CMTM7: variants seen among roughly 807,000 people sequenced by gnomAD.
CMTM7 encodes CKLF like MARVEL transmembrane domain containing 7.
A neutral mutation model predicts 19.3 loss-of-function variants in CMTM7; 7 were observed. The ratio of observed to expected loss-of-function variants is 0.36; its 90% CI spans 0.21 to 0.68. The LOEUF is 0.68. CMTM7 is among the 30% of genes least tolerant of loss of function. The pLI is 0.60. For missense variants in CMTM7, 193 were observed against 232.6 expected, an observed-to-expected ratio of 0.83 and a Z score of 1.11; for synonymous variants, 87 against 99.3, an observed-to-expected ratio of 0.88 and a Z score of 0.74.
At chr3:32,402,449 C>G (rs374936178) in intron 1 of CMTM7, among the ~76,000 whole-genome samples, 2 of 152,104 alleles carry the variant, frequency 1.3e-5, no homozygotes, top group African/African-American at 4.8e-5. Context: ...GATTGATAAC[C>G]AGAGAGGCGG....
intron 1 of CMTM7, among the ~76,000 whole-genome samples, chr3:32,412,977 T>C (rs1696201457): frequency 6.6e-6 from 1 of 152,252 alleles, no homozygotes; most frequent in South Asian, 2.1e-4. Context: ...GCTTTTGAGC[T>C]TTTAGCTACT....
chr3:32,446,346 A>G (rs1696752640), intron 2 of CMTM7, among the ~76,000 whole-genome samples: 1 of 152,070 alleles, frequency 6.6e-6, no homozygotes, highest in Non-Finnish European at 1.5e-5. Flanking sequence ...TGCAGTAGTA[A>G]TGTTTCCTCT....
intron 1 of CMTM7, among the ~76,000 whole-genome samples, chr3:32,428,769 C>T (rs1317086851): frequency 6.6e-6 from 1 of 152,180 alleles, no homozygotes; most frequent in African/African-American, 2.4e-5. Context: ...CAATCCTGAT[C>T]GTCATTGCTC....
intron 1 of CMTM7, among the ~76,000 whole-genome samples, chr3:32,412,703 A>C (rs1696196575): frequency 6.6e-6 from 1 of 152,166 alleles, no homozygotes; most frequent in Non-Finnish European, 1.5e-5. Context: ...TGAAACAACT[A>C]AATTCACCCA....
At position 32,404,142 on chromosome 3, in the gene CMTM7, C is replaced by CTTTTTTTTCTTTT. The variant is rs1559401304; in HGVS notation, c.159+12085_159+12086insCTTTTTTTTTTTT. ...CCTTTGTTTAATCTTTTCTTTCTTT[C>CTTTTTTTTCTTTT]TTTTTTTTTCTTTTTTTTTCTTTTT... On this transcript the variant is annotated intron_variant, in intron 1 of 4. Transcript: ENST00000334983. 3.8e-4 allele frequency among the ~76,000 whole-genome samples: 41 copies of CTTTTTTTTCTTTT among 109,226 alleles called. 2 individuals carry two copies. The highest frequency in any genetic ancestry group is 5.5e-4 in the African/African-American group (13 of 23,552). The allele number at this position is 109,226 out of a possible 152,430, so 71.7% of individuals were successfully genotyped here.
At position 32,411,185 on chromosome 3, in the gene CMTM7, T is replaced by C. The variant is rs771490902; in HGVS notation, c.159+19120T>C. 2.9e-4 allele frequency among the ~76,000 whole-genome samples: 44 copies of C among 152,206 alleles called. 1 individual carries two copies. The highest frequency in any genetic ancestry group is 1.3e-4 in the Admixed American group (2 of 15,286). ...GACCCTAAACAAGGATGGTATTTCA[T>C]CACCTCGAAGGCACCATTGTTTTAG... On this transcript the variant is annotated intron_variant, in intron 1 of 4. Transcript: ENST00000334983.
At chr3:32,436,831 C>T (rs1176473696) in intron 1 of CMTM7, among the ~76,000 whole-genome samples, 3 of 152,062 alleles carry the variant, frequency 2.0e-5, no homozygotes, top group African/African-American at 7.2e-5. Context: ...GAGACAGGGT[C>T]CTGAGACCAC....
At chr3:32,434,456 C>T (rs1696565038) in intron 1 of CMTM7, among the ~76,000 whole-genome samples, 1 of 113,316 alleles carries the variant, frequency 8.8e-6, no homozygotes, top group South Asian at 3.2e-4. Context: ...ACCACCATGC[C>T]TGGCCAATTT....
At chr3:32,447,772 C>T (rs746865071) in intron 2 of CMTM7, among the ~76,000 whole-genome samples, 21 of 152,032 alleles carry the variant, frequency 1.4e-4, no homozygotes, top group Non-Finnish European at 2.2e-4. Context: ...TTGTTGTTTG[C>T]GTGCCATTTC....
chr3:32,399,458 A>C (rs1288944226), intron 1 of CMTM7, among the ~76,000 whole-genome samples: 1 of 152,148 alleles, frequency 6.6e-6, no homozygotes, highest in Non-Finnish European at 1.5e-5. Flanking sequence ...GGGGGAGTAC[A>C]CTAAGGTTTC....
chr3:32,453,876 T>C (rs1696870826), intron 4 of CMTM7, among the ~76,000 whole-genome samples: 1 of 152,128 alleles, frequency 6.6e-6, no homozygotes, highest in East Asian at 1.9e-4. Context: ...ACGTAGAGAA[T>C]ATAGGGGAAA....
rs1053980922 is a variant in CMTM7, at chr3:32,438,167, G to T, written c.160-3673G>T. ...TGTTTGTGCATTTGCTTTTCTAACT[G>T]GGAACACGAAGACACCTGAGAGGGT... is the stretch of plus-strand genomic sequence containing the variant. On this transcript the variant is annotated intron_variant, in intron 1 of 4. Transcript: ENST00000334983. Among the ~76,000 whole-genome samples the T allele has an allele frequency of 2.6e-5, 4 of 152,284 alleles. No individual in the cohort carries two copies. In the South Asian group the frequency reaches 6.2e-4, roughly 24 times the overall value.
At chr3:32,426,461 A>G (rs1696434739) in intron 1 of CMTM7, among the ~76,000 whole-genome samples, 1 of 152,252 alleles carries the variant, frequency 6.6e-6, no homozygotes, top group African/African-American at 2.4e-5. Flanking sequence ...TGAAGGGGAA[A>G]TAATCACCCA....
rs58085712 is a variant in CMTM7 at position 32,416,361 on chromosome 3, A to ATT, written c.159+24331_159+24332dup. On this transcript the variant is annotated intron_variant, in intron 1 of 4. Transcript: ENST00000334983. ...CAGACGTGCGCCACCATCCGGGCTA[A>ATT]TTTTTTTTTTTTTTTTTTTTTTTTT... is the stretch of plus-strand genomic sequence containing the variant. Among the ~76,000 whole-genome samples the ATT allele has an allele frequency of 7.9e-4, 57 of 72,416 alleles. 2 individuals carry two copies. Among genetic ancestry groups the ATT allele is most frequent in the African/African-American group, 1.8e-3 (31 of 17,006 alleles). The allele number at this position is 72,416 out of a possible 152,430, so 47.5% of individuals were successfully genotyped here.
chr3:32,442,265 C>A (rs1216607936), intron 2 of CMTM7, among the ~76,000 whole-genome samples: 1 of 151,674 alleles, frequency 6.6e-6, no homozygotes, highest in African/African-American at 2.4e-5. Context: ...AATCCCAGCA[C>A]TTTGGGAGGC....
At chr3:32,452,928 T>TC in intron 4 of CMTM7, among the ~76,000 whole-genome samples, 1 of 111,386 alleles carries the variant, frequency 9.0e-6, no homozygotes, top group East Asian at 2.5e-4. Flanking sequence ...AATTTTTTTT[T>TC]TTTTTTTTTT....
In CMTM7 at chr3:32,432,565, C is replaced by G. The variant is rs545520735; in HGVS notation, c.160-9275C>G. Among the ~76,000 whole-genome samples, 10 of 152,340 alleles carry G rather than the reference C, an allele frequency of 6.6e-5. No homozygotes were observed. In the South Asian group the frequency reaches 1.9e-3, roughly 28 times the overall value. On this transcript the variant is annotated intron_variant, in intron 1 of 4. Coordinates refer to ENST00000334983, the MANE Select transcript of CMTM7 (RefSeq NM_138410.4). ...CTGAAGAGGTGCCTGCTGAGCCGGGCTGCCTGGGTCCCAGCTCTGGCTCCG... is the reference window on the plus strand; with the variant it reads ...CTGAAGAGGTGCCTGCTGAGCCGGGGTGCCTGGGTCCCAGCTCTGGCTCCG...
chr3:32,442,522 A>G (rs1696695414), intron 2 of CMTM7, among the ~76,000 whole-genome samples: 1 of 144,832 alleles, frequency 6.9e-6, no homozygotes, highest in African/African-American at 2.6e-5. Flanking sequence ...AAAAAAAAAA[A>G]AAAAAGAAGA....
intron 1 of CMTM7, among the ~76,000 whole-genome samples, chr3:32,411,559 G>C (rs974668798): frequency 2.0e-5 from 3 of 152,170 alleles, no homozygotes; most frequent in African/African-American, 7.2e-5. Context: ...CTGGGTTTGT[G>C]CACTGGCTTT....
Sources: gnomAD v4.1 joint callset for allele counts (sites outside exome capture counted in the v4.1 genomes callset) on GRCh38, gnomAD v4.1.1 for gene constraint, MANE v1.5 for transcripts, NCBI Gene and HGNC (gene_info 2026-07-23, HGNC 2026-07-21) for gene names.